Variants in STIM1 observed in about 807,000 individuals in gnomAD.
STIM1 encodes the protein stromal interaction molecule 1.
A neutral mutation model predicts 74.7 loss-of-function variants in STIM1; 25 were observed. The ratio of observed to expected loss-of-function variants is 0.33; its 90% confidence interval spans 0.24 to 0.47. The LOEUF (loss-of-function observed/expected upper bound fraction) is 0.47, where lower values mean the gene tolerates loss of function less well. STIM1 is among the 20% of genes least tolerant of loss of function. The pLI, the probability that STIM1 is intolerant of heterozygous loss-of-function variation, is 1.00. For synonymous variants in STIM1, 328 were observed against 348.8 expected, an observed-to-expected ratio of 0.94 and a Z score of 0.66; for missense variants, 728 against 920.8, an observed-to-expected ratio of 0.79 and a Z score of 2.71.
At chr11:4,010,251 A>T (rs2093823158) in intron 2 of STIM1, among the ~76,000 whole-genome samples, 1 of 150,512 alleles carries the variant, frequency 6.6e-6, no homozygotes, top group Non-Finnish European at 1.5e-5. Flanking sequence ...ACTCACTACA[A>T]CCTCCGCCTT....
At chr11:3,979,711 A>C (rs2093482926) in intron 2 of STIM1, among the ~76,000 whole-genome samples, 1 of 152,136 alleles carries the variant, frequency 6.6e-6, no homozygotes, top group African/African-American at 2.4e-5. Context: ...GTTGCCGGGG[A>C]TTACAGGTGA....
At chr11:3,854,681 G>A (rs563797689), upstream of STIM1, 1 of 152,334 alleles carries the variant, frequency 6.6e-6, no homozygotes, top group African/African-American at 2.4e-5. Context: ...GATGCAGGGA[G>A]GAAGCATTTA....
intron 1 of STIM1, among the ~76,000 whole-genome samples, chr11:3,941,696 A>AGAGAGAGAGAGAGTGTGT (rs1214690521): frequency 2.1e-5 from 3 of 141,806 alleles, no homozygotes; most frequent in East Asian, 4.3e-4. Context: ...AGAGAGAGAG[A>AGAGAGAGAGAGAGTGTGT]GTGTGTGTGT....
intron 1 of STIM1, among the ~76,000 whole-genome samples, chr11:3,897,562 G>C (rs1434880453): frequency 1.3e-5 from 2 of 151,906 alleles, no homozygotes; most frequent in African/African-American, 4.8e-5. Context: ...TGTACAATGT[G>C]CAGGTTAGTT....
chr11:3,861,181 A>C lies in STIM1; in HGVS notation c.139+4772A>C, dbSNP rs139472406. The stretch of plus-strand genomic sequence containing the variant: ...CTTCATTGTTGGCTAGCTACCTCAC[A>C]TGAGCACCCATAGGTAGGAAGATTG... On this transcript the variant is annotated intron_variant, in intron 1 of 12. Transcript: ENST00000526596. Among the ~76,000 whole-genome samples the C allele has an allele frequency of 2.6e-3, 391 of 151,744 alleles. 1 individual carries two copies. The highest frequency in any genetic ancestry group is 8.9e-3 in the African/African-American group (368 of 41,340).
chr11:3,992,081 G>GCTT (rs376329167), intron 2 of STIM1, among the ~76,000 whole-genome samples: 7,437 of 89,272 alleles, frequency 0.083, 964 homozygotes, highest in South Asian at 0.15. Flanking sequence ...GCCAACATCT[G>GCTT]TTTTTTTGTT....
At chr11:4,078,171 T>G (rs2133203192) in intron 7 of STIM1, among the ~76,000 whole-genome samples, 1 of 152,354 alleles carries the variant, frequency 6.6e-6, no homozygotes, top group South Asian at 2.1e-4. Context: ...TTGTGAAGTA[T>G]ATTAAGGAAC....
At chr11:4,059,033 A>G (rs2133103144) in intron 4 of STIM1, 1 of 952,046 alleles carries the variant, frequency 1.1e-6, no homozygotes, top group East Asian at 4.1e-5. Flanking sequence ...CAGACAGGTA[A>G]TCCTTAGAGG....
chr11:4,013,247 T>A (rs1233399264), intron 2 of STIM1, among the ~76,000 whole-genome samples: 2 of 152,204 alleles, frequency 1.3e-5, no homozygotes, highest in Non-Finnish European at 2.9e-5. Context: ...TAAAATGAGT[T>A]AAGGAGGATT....
At chr11:3,989,440 G>A (rs2093588212) in intron 2 of STIM1, 3 of 715,762 alleles carry the variant, frequency 4.2e-6, no homozygotes, top group African/African-American at 1.8e-5. Flanking sequence ...CCCTTCCGCG[G>A]AGCTGACCTT....
intron 1 of STIM1, among the ~76,000 whole-genome samples, chr11:3,908,345 G>T (rs1334273047): frequency 6.6e-6 from 1 of 152,196 alleles, no homozygotes; most frequent in East Asian, 1.9e-4. Context: ...AGGCACGGCG[G>T]CTCACGCCTG....
At chr11:3,899,516 C>T (rs1182570650) in intron 1 of STIM1, among the ~76,000 whole-genome samples, 3 of 151,612 alleles carry the variant, frequency 2.0e-5, no homozygotes, top group Non-Finnish European at 3.0e-5. Flanking sequence ...ATTTCCTTCT[C>T]CTGCCTAATT....
intron 1 of STIM1, among the ~76,000 whole-genome samples, chr11:3,902,378 C>T (rs1257549391): frequency 6.6e-6 from 1 of 152,180 alleles, no homozygotes; most frequent in East Asian, 1.9e-4. Context: ...CAGCGATCCC[C>T]AATCTTTTTG....
rs769139902 is a variant in STIM1 at position 3,968,866 on chromosome 11, A to G, written c.270+1184A>G. Among the ~76,000 whole-genome samples the G allele has an allele frequency of 5.9e-5, 9 of 152,314 alleles. No homozygotes were observed. In the South Asian group the frequency reaches 1.0e-3, roughly 18 times the overall value. On this transcript the variant is annotated intron_variant, in intron 2 of 12. Transcript: ENST00000526596. ...CCAGTCACAGTGTTAAGCTTTTTGC[A>G]TAGTTACTCTTTTAACTTCAACAGA...
intron 2 of STIM1, chr11:3,973,317 C>A: frequency 2.2e-6 from 1 of 455,678 alleles, no homozygotes; most frequent in South Asian, 1.7e-5. Flanking sequence ...ATTTCGACCT[C>A]TTTGGCTAGA....
intron 2 of STIM1, among the ~76,000 whole-genome samples, chr11:3,995,577 G>C (rs1367975166): frequency 6.6e-6 from 1 of 152,142 alleles, no homozygotes; most frequent in African/African-American, 2.4e-5. Context: ...TTGCTTCCCA[G>C]ACTAATCCAA....
At chr11:4,038,110 C>T (rs2094118752) in intron 3 of STIM1, among the ~76,000 whole-genome samples, 1 of 150,720 alleles carries the variant, frequency 6.6e-6, no homozygotes, top group Admixed American at 6.6e-5. Flanking sequence ...TCTTGGCTTA[C>T]TGCAACCTCT....
intron 1 of STIM1, among the ~76,000 whole-genome samples, chr11:3,923,110 A>C (rs1401651092): frequency 6.6e-6 from 1 of 152,046 alleles, no homozygotes; most frequent in Non-Finnish European, 1.5e-5. Flanking sequence ...AAAAAAAAAA[A>C]AAAAACAAAC....
At chr11:3,892,786 T>A in intron 1 of STIM1, 1 of 1,613,278 alleles carries the variant, frequency 6.2e-7, no homozygotes, top group Admixed American at 1.7e-5. Context: ...CACGAAAGTT[T>A]TCTGCTGTCT....
Sources: allele counts gnomAD v4.1 joint callset (sites outside exome capture counted in the v4.1 genomes callset), GRCh38; gene constraint gnomAD v4.1.1; transcripts MANE v1.5; gene names NCBI Gene and HGNC (gene_info 2026-07-23, HGNC 2026-07-21).